The following RYR3 variants were observed in gnomAD, a reference collection of about 807,000 sequenced individuals.
RYR3 encodes ryanodine receptor 3.
In RYR3, 207 loss-of-function variants were observed where a neutral mutation model predicts 584.3. The ratio of observed to expected loss-of-function variants is 0.35; its 90% CI spans 0.32 to 0.40. The LOEUF is 0.40. RYR3 is among the 10% of genes least tolerant of loss of function. RYR3 has a pLI of 1.00. For missense variants in RYR3, 5,616 were observed against 6,089.2 expected, an observed-to-expected ratio of 0.92 and a Z score of 2.59; for synonymous variants, 2,416 against 2,248.5, an observed-to-expected ratio of 1.07 and a Z score of -2.11.
At chr15:33,399,790 T>G (rs1467754845) in intron 1 of RYR3, among the ~76,000 whole-genome samples, 2 of 152,220 alleles carry the variant, frequency 1.3e-5, no homozygotes, top group Non-Finnish European at 2.9e-5. Context: ...TCTATAGTTA[T>G]AGCTGTAGCT....
intron 1 of RYR3, among the ~76,000 whole-genome samples, chr15:33,447,443 C>T (rs551411754): frequency 6.6e-6 from 1 of 152,280 alleles, no homozygotes; most frequent in South Asian, 2.1e-4. Context: ...CTTCCCCACC[C>T]CATGCCCACT....
intron 72 of RYR3, 88 bp from the exon 73 acceptor site, chr15:33,812,775 C>T: frequency 7.5e-7 from 1 of 1,331,134 alleles, no homozygotes; most frequent in Non-Finnish European, 1.0e-6. Flanking sequence ...AGTCTTGACT[C>T]CTACAGAACC....
intron 16 of RYR3, among the ~76,000 whole-genome samples, chr15:33,589,821 G>A (rs117492706): frequency 0.016 from 2,503 of 152,268 alleles, 30 homozygotes; most frequent in Middle Eastern, 0.027. Context: ...ATTGATCCAT[G>A]TGTCTATTTT....
rs2076935080 is a variant in RYR3, at chr15:33,818,455, T to C, written c.10600-123T>C. On this transcript the variant is annotated intron_variant, in intron 75 of 103. Transcript: ENST00000634891. The stretch of plus-strand genomic sequence containing the variant: ...GAAATAAATACATGACGTAGTGGTT[T>C]TGTTTTGTGCTTTAGTCTGATGCAC... 4.4e-6 allele frequency: 3 copies of C among 674,320 alleles called. No homozygotes were observed. The Admixed American group carries it at 7.9e-5, about 18-fold the overall frequency. The allele number at this position is 674,320 out of a possible 1,614,324, so 41.8% of individuals were successfully genotyped here.
intron 3 of RYR3, among the ~76,000 whole-genome samples, chr15:33,528,116 C>T (rs1352002565): frequency 1.3e-5 from 2 of 152,120 alleles, no homozygotes; most frequent in Non-Finnish European, 2.9e-5. Flanking sequence ...CCATTTCTTC[C>T]ACCATTTTGC....
intron 1 of RYR3, among the ~76,000 whole-genome samples, chr15:33,343,312 C>G (rs971196018): frequency 6.6e-6 from 1 of 152,128 alleles, no homozygotes; most frequent in Non-Finnish European, 1.5e-5. Context: ...TCAAATGCAA[C>G]GTTAAAAAAA....
Position 33,503,616 on chromosome 15 carries a change from A to G in RYR3, c.172-15A>G, listed in dbSNP as rs554599976. On this transcript the variant is annotated splice_polypyrimidine_tract_variant and intron_variant, in intron 2 of 103. Transcript: ENST00000634891. ...GATATGAGTAGGTATCCTCATTCTG[A>G]TTTTATTTCCACAGTACATTCCTCC... 136 of 1,527,052 alleles carry G rather than the reference A, an allele frequency of 8.9e-5. No homozygotes were observed. In the South Asian group the frequency reaches 1.6e-3, roughly 17 times the overall value. The allele number at this position is 1,527,052 out of a possible 1,614,324, so 94.6% of individuals were successfully genotyped here.
intron 1 of RYR3, among the ~76,000 whole-genome samples, chr15:33,359,719 C>G (rs753442499): frequency 6.6e-6 from 1 of 151,852 alleles, no homozygotes; most frequent in East Asian, 1.9e-4. Context: ...CCTGGGTTCA[C>G]GCCATTCTCC....
intron 36 of RYR3, among the ~76,000 whole-genome samples, chr15:33,668,187 G>A (rs1385547133): frequency 6.6e-6 from 1 of 151,436 alleles, no homozygotes; most frequent in African/African-American, 2.4e-5. Flanking sequence ...CGTGTTGGCG[G>A]GCGCCTGTGG....
intron 51 of RYR3, among the ~76,000 whole-genome samples, chr15:33,741,804 C>T (rs1385100665): frequency 1.3e-5 from 2 of 151,936 alleles, no homozygotes; most frequent in African/African-American, 4.8e-5. Flanking sequence ...TTAGTAGAGA[C>T]GGGGTTTCAC....
At chr15:33,623,437 T>C (rs981732050) in intron 19 of RYR3, among the ~76,000 whole-genome samples, 19 of 152,254 alleles carry the variant, frequency 1.2e-4, no homozygotes, top group African/African-American at 4.1e-4. Context: ...CACACTGTAA[T>C]TTTTATATGA....
intron 45 of RYR3, among the ~76,000 whole-genome samples, chr15:33,725,976 C>CCGCCAA (rs1555427643): frequency 1.3e-4 from 4 of 31,516 alleles, no homozygotes; most frequent in African/African-American, 4.3e-4. Context: ...TCCCCCCCCC[C>CCGCCAA]AAAAAAAAAA....
Position 33,696,267 on chromosome 15 carries a change from G to A in RYR3, c.5910G>A (p.Glu1970=), listed in dbSNP as rs762985032. 6.2e-7 allele frequency: 1 copy of A among 1,613,818 alleles called. No individual in the cohort carries two copies. Among genetic ancestry groups the A allele is most frequent in the Non-Finnish European group, 8.5e-7 (1 of 1,179,860 alleles). The change falls in exon 39 of 104, where the codon GAG becomes GAA. Residue 1970 remains glutamate, a synonymous_variant. Coordinates refer to ENST00000634891, the MANE Select transcript of RYR3 (RefSeq NM_001036.6). ...ISQTMICWAQ[E]DQIQDSELVR... is the part of the protein sequence containing the mutation. Reference sequence around the variant, plus strand: ...AGACGATGATCTGCTGGGCCCAGGAGGACCAGATCCAGGATTCAGAGCTGG... The same window carrying A: ...AGACGATGATCTGCTGGGCCCAGGAAGACCAGATCCAGGATTCAGAGCTGG...
chr15:33,488,661 G>C (rs1013538745), intron 2 of RYR3, among the ~76,000 whole-genome samples: 8 of 151,964 alleles, frequency 5.3e-5, no homozygotes, highest in South Asian at 2.1e-4. Flanking sequence ...GACCATCCTG[G>C]CCAACATGGT....
At chr15:33,812,043 T>C (rs970855775) in intron 72 of RYR3, among the ~76,000 whole-genome samples, 21 of 152,072 alleles carry the variant, frequency 1.4e-4, no homozygotes, top group African/African-American at 4.3e-4. Flanking sequence ...AAAAAAAATC[T>C]TAGGGGCTTG....
chr15:33,422,418 C>G (rs1228245617), intron 1 of RYR3, among the ~76,000 whole-genome samples: 1 of 152,102 alleles, frequency 6.6e-6, no homozygotes, highest in Non-Finnish European at 1.5e-5. Context: ...GGCATATTTC[C>G]TGTTCTTAAT....
intron 10 of RYR3, among the ~76,000 whole-genome samples, chr15:33,560,587 A>G (rs1379778340): frequency 6.6e-6 from 1 of 152,200 alleles, no homozygotes; most frequent in East Asian, 1.9e-4. Context: ...TTCATGTTTA[A>G]CAGTTGTGGT....
intron 2 of RYR3, among the ~76,000 whole-genome samples, chr15:33,495,151 T>A (rs928694639): frequency 6.6e-6 from 1 of 152,202 alleles, no homozygotes; most frequent in African/African-American, 2.4e-5. Flanking sequence ...GTCCATAGTC[T>A]TTACATTCTC....
At chr15:33,604,421 G>C (rs995732252) in intron 18 of RYR3, among the ~76,000 whole-genome samples, 1 of 152,136 alleles carries the variant, frequency 6.6e-6, no homozygotes, top group Non-Finnish European at 1.5e-5. Context: ...TTTTCAGTTG[G>C]TCCATATGGA....
Sources: gnomAD v4.1 joint callset for allele counts (sites outside exome capture counted in the v4.1 genomes callset) on GRCh38, gnomAD v4.1.1 for gene constraint, MANE v1.5 for transcripts, NCBI Gene and HGNC (gene_info 2026-07-23, HGNC 2026-07-21) for gene names.